Variants in PNPLA7 observed in about 807,000 individuals in gnomAD.
The protein encoded by PNPLA7 is patatin-like phospholipase domain-containing protein 7.
PNPLA7 carries 153 observed loss-of-function variants against 161.7 expected under a neutral mutation model. That is an observed-to-expected ratio of 0.95 (90% CI 0.83 to 1.08). The LOEUF is 1.08. PNPLA7 is among the 50% of genes least tolerant of loss of function. PNPLA7 has a pLI of 0.00. For missense variants in PNPLA7, 1,739 were observed against 1,856.6 expected, an observed-to-expected ratio of 0.94 and a Z score of 1.16; for synonymous variants, 809 against 782.1, an observed-to-expected ratio of 1.03 and a Z score of -0.57.
chr9:137,503,928 G>T, intron 14 of PNPLA7, among the ~76,000 whole-genome samples: 1 of 24,134 alleles, frequency 4.1e-5, no homozygotes. Flanking sequence ...GGAAGAAGAA[G>T]GAAGAAGAAG....
chr9:137,539,906 C>T (rs1430090365), intron 8 of PNPLA7, among the ~76,000 whole-genome samples: 1 of 152,144 alleles, frequency 6.6e-6, no homozygotes, highest in African/African-American at 2.4e-5. Context: ...CTGCCTCAGC[C>T]TCCCAAGTAG....
intron 4 of PNPLA7, among the ~76,000 whole-genome samples, chr9:137,546,187 T>C (rs761306656): frequency 1.3e-5 from 2 of 151,708 alleles, no homozygotes; most frequent in African/African-American, 4.8e-5. Context: ...TAAGCTATCT[T>C]TCTCTCTCTC....
intron 20 of PNPLA7, chr9:137,492,401 C>A (rs1453288004): frequency 1.4e-6 from 1 of 699,744 alleles, no homozygotes; most frequent in African/African-American, 2.0e-5. Context: ...CAGTGCTGCC[C>A]ACATTGAGAT....
At chr9:137,496,713 AAAAAC>A (rs566457617) in intron 18 of PNPLA7, among the ~76,000 whole-genome samples, 8 of 152,176 alleles carry the variant, frequency 5.3e-5, no homozygotes, top group Admixed American at 6.5e-5. Context: ...TTCCGTCTCA[AAAAAC>A]AAAACAAAAC....
intron 12 of PNPLA7, among the ~76,000 whole-genome samples, chr9:137,511,049 GAAGAC>G (rs1234688401): frequency 6.6e-6 from 1 of 152,266 alleles, no homozygotes; most frequent in Non-Finnish European, 1.5e-5. Context: ...GAAGCAACCA[GAAGAC>G]AAGAGTGTGA....
chr9:137,491,845 T>C, intron 20 of PNPLA7: 2 of 985,286 alleles, frequency 2.0e-6, no homozygotes, highest in Non-Finnish European at 2.4e-6. Context: ...GGTCATGCAA[T>C]GTGTCGGGGG....
chr9:137,461,854 T>C, intron 32 of PNPLA7, 77 bp downstream of exon 32: 2 of 1,422,732 alleles, frequency 1.4e-6, no homozygotes, highest in South Asian at 1.4e-5. Flanking sequence ...CGTGGCCTGA[T>C]GAACTGGGCG....
intron 12 of PNPLA7, among the ~76,000 whole-genome samples, chr9:137,512,979 C>G (rs1834318220): frequency 6.7e-6 from 1 of 148,492 alleles, no homozygotes; most frequent in African/African-American, 2.5e-5. Context: ...AAAAAAAAAG[C>G]TGTTACTTAA....
In PNPLA7 at chr9:137,527,689, T is replaced by A. The variant is rs1174895250; in HGVS notation, c.748-4832A>T. Among the ~76,000 whole-genome samples, 7 of 152,246 alleles carry A rather than the reference T, an allele frequency of 4.6e-5. No homozygotes were observed. The East Asian group carries it at 1.3e-3, about 29-fold the overall frequency. On this transcript the variant is annotated intron_variant, in intron 8 of 34. Transcript: ENST00000406427. ...TTGAGGATATGTATGTTTCTAATGA[T>A]GAGTGACTGGTTTGAAATTTTCCTT...
chr9:137,536,152 CA>C (rs36008993), intron 8 of PNPLA7, among the ~76,000 whole-genome samples: 46,339 of 125,624 alleles, frequency 0.37, 8,403 homozygotes, highest in East Asian at 0.69. Flanking sequence ...GACTCCATCA[CA>C]AAAAAAAAAA....
At chr9:137,512,697 T>G (rs1444115328) in intron 12 of PNPLA7, among the ~76,000 whole-genome samples, 2 of 151,854 alleles carry the variant, frequency 1.3e-5, no homozygotes, top group Non-Finnish European at 2.9e-5. Flanking sequence ...CCCAACAGTT[T>G]GGGAGGCTGA....
In PNPLA7 at chr9:137,540,770, C is replaced by T. The variant is rs766627205; in HGVS notation, c.667-48G>A. On this transcript the variant is annotated intron_variant, in intron 7 of 34. Transcript: ENST00000406427. This position sits in a 1 kb window ranked among gnomAD's most constrained non-coding sequence, Gnocchi z 5.1. ...GTGCCGTCAGGTCTGGGGCTGCGACCGCGGGGCCTGGCGGAGGCTCAGCCC... is the reference window on the plus strand; with the variant it reads ...GTGCCGTCAGGTCTGGGGCTGCGACTGCGGGGCCTGGCGGAGGCTCAGCCC... The T allele has an allele frequency of 1.4e-5, 21 of 1,549,036 alleles. No homozygotes were observed. The highest frequency in any genetic ancestry group is 1.7e-4 in the Middle Eastern group (1 of 5,994).
chr9:137,485,017 G>T (rs1187877057), intron 20 of PNPLA7, among the ~76,000 whole-genome samples: 1 of 152,190 alleles, frequency 6.6e-6, no homozygotes, highest in Non-Finnish European at 1.5e-5. Context: ...ACCCTCAGAG[G>T]CTACCTGGGC....
chr9:137,543,487 C>G lies in PNPLA7; in HGVS notation c.451G>C (p.Asp151His). 6.2e-7 allele frequency: 1 copy of G among 1,614,108 alleles called. No homozygotes were observed. Among genetic ancestry groups the G allele is most frequent in the Non-Finnish European group, 8.5e-7 (1 of 1,180,028 alleles). ...SLLEADLTEF[D>H]VKNSHLPSEV... ...GATGGCAGGTGAGAATTCTTCACGTCAAACTCCGTGAGGTCGGCCTCCAGC... is the reference window on the plus strand; with the variant it reads ...GATGGCAGGTGAGAATTCTTCACGTGAAACTCCGTGAGGTCGGCCTCCAGC... The change falls in exon 6 of 35, where the codon GAC (aspartate) becomes CAC (histidine). Residue 151 changes from aspartate to histidine, a missense_variant. Asp to His is a moderately conservative substitution (Grantham distance 81). This residue lies in a region of PNPLA7 where 209 missense variants were observed against 252.8 expected (regional missense o/e 0.83). Transcript: ENST00000406427. The surrounding 1 kb of genome is among the most constrained non-coding windows in gnomAD (Gnocchi z 6.9).
intron 28 of PNPLA7, 108 bp from the exon 29 acceptor site, chr9:137,463,639 G>C: frequency 3.9e-6 from 3 of 772,420 alleles, no homozygotes; most frequent in Non-Finnish European, 6.2e-6. Context: ...CCAACTCTCT[G>C]AGGCCGCCTC....
At chr9:137,544,699 A>G (rs2132646520) in intron 4 of PNPLA7, among the ~76,000 whole-genome samples, 1 of 152,248 alleles carries the variant, frequency 6.6e-6, no homozygotes, top group South Asian at 2.1e-4. Context: ...GCTGCAGTGC[A>G]ATGGCACGAT....
chr9:137,536,893 C>G (rs554502157), intron 8 of PNPLA7, among the ~76,000 whole-genome samples: 35 of 149,200 alleles, frequency 2.3e-4, no homozygotes, highest in African/African-American at 8.6e-4. Context: ...ATCCTCTGAG[C>G]CATACTTCAT....
chr9:137,472,501 A>C (rs1425204315), intron 25 of PNPLA7, among the ~76,000 whole-genome samples: 1 of 151,314 alleles, frequency 6.6e-6, no homozygotes, highest in African/African-American at 2.4e-5. Context: ...AAATGCAAAA[A>C]TTAGCTGGGT....
At chr9:137,519,503 G>A (rs141345074) in intron 11 of PNPLA7, among the ~76,000 whole-genome samples, 175 of 152,344 alleles carry the variant, frequency 1.1e-3, no homozygotes, top group African/African-American at 3.9e-3. Flanking sequence ...ACGGGCACAC[G>A]TAATGAGACC....
Sources: allele counts gnomAD v4.1 joint callset (sites outside exome capture counted in the v4.1 genomes callset), GRCh38; gene constraint gnomAD v4.1.1; regional missense constraint gnomAD v4.1.1; non-coding constraint Gnocchi (gnomAD v3.1); transcripts MANE v1.5; gene names NCBI Gene and HGNC (gene_info 2026-07-23, HGNC 2026-07-21).